The following GPBP1L1 variants were observed in gnomAD, a reference collection of about 807,000 sequenced individuals.
The protein encoded by GPBP1L1 is GC-rich promoter binding protein 1 like 1.
Under a neutral mutation model 52.5 loss-of-function variants are expected in GPBP1L1, and 23 were observed. That is an observed-to-expected ratio of 0.44 (90% confidence interval 0.32 to 0.62). The LOEUF (loss-of-function observed/expected upper bound fraction) is 0.62, where lower values mean the gene tolerates loss of function less well. GPBP1L1 is among the 20% of genes least tolerant of loss of function. The pLI is 0.06. For missense variants in GPBP1L1, 596 were observed against 579.3 expected, an observed-to-expected ratio of 1.03 and a Z score of -0.30; for synonymous variants, 243 against 203.1, an observed-to-expected ratio of 1.20 and a Z score of -1.67.
chr1:45,685,412 T>C (rs1247448800), intron 2 of GPBP1L1, among the ~76,000 whole-genome samples, 164 bp downstream of exon 2: 1 of 152,218 alleles, frequency 6.6e-6, no homozygotes, highest in Non-Finnish European at 1.5e-5. Context: ...ATGTTAAAAA[T>C]ATTTCAACAA....
intron 6 of GPBP1L1, chr1:45,645,760 A>G: frequency 2.9e-6 from 1 of 339,684 alleles, no homozygotes; most frequent in Non-Finnish European, 5.4e-6. Flanking sequence ...GATATTCCGA[A>G]GTTTTTTGTT....
chr1:45,667,201 T>A (rs867487752), intron 2 of GPBP1L1, among the ~76,000 whole-genome samples: 33 of 152,304 alleles, frequency 2.2e-4, no homozygotes, highest in African/African-American at 7.5e-4. Flanking sequence ...ATCTTGTATT[T>A]TCCCATAACT....
intron 8 of GPBP1L1, among the ~76,000 whole-genome samples, chr1:45,639,048 TG>T (rs780227389): frequency 1.7e-4 from 26 of 150,920 alleles, no homozygotes; most frequent in Admixed American, 3.3e-4. Flanking sequence ...TTTAAAGAGC[TG>T]GAAAAAAAAA....
Position 45,654,627 on chromosome 1 carries a change from A to T in GPBP1L1, c.393T>A (p.Ala131=). Residue 131 remains alanine, a synonymous_variant, in exon 6 of 13, where the codon GCT becomes GCA. Coordinates refer to ENST00000355105, the MANE Select transcript of GPBP1L1 (RefSeq NM_021639.5). ...TCTCCATAGGTGGCTTTTCCTGAAAAGCACACCCTTTCCGGGAGTGGAAGC... is the reference window on the plus strand; with the variant it reads ...TCTCCATAGGTGGCTTTTCCTGAAATGCACACCCTTTCCGGGAGTGGAAGC... ...NGSFHSRKGC[A]FQEKPPMEIR... is the part of the protein sequence containing the mutation. 1 of 1,614,116 alleles carries T rather than the reference A, an allele frequency of 6.2e-7. No individual in the cohort carries two copies. The highest frequency in any genetic ancestry group is 8.5e-7 in the Non-Finnish European group (1 of 1,180,008).
At chr1:45,635,065 C>G (rs1644577211) in intron 8 of GPBP1L1, 1 of 152,124 alleles carries the variant, frequency 6.6e-6, no homozygotes, top group Non-Finnish European at 1.5e-5. Flanking sequence ...AAAGAAGACA[C>G]AATAATAGCT....
intron 4 of GPBP1L1, chr1:45,658,742 C>A (rs543200879): frequency 1.3e-5 from 5 of 378,954 alleles, no homozygotes; most frequent in Non-Finnish European, 1.9e-5. Flanking sequence ...CCAGCCTGGG[C>A]AACATGGTGA....
chr1:45,677,682 A>C (rs1431284987), intron 2 of GPBP1L1, among the ~76,000 whole-genome samples: 1 of 152,248 alleles, frequency 6.6e-6, no homozygotes, highest in Non-Finnish European at 1.5e-5. Context: ...TTCTGTACCC[A>C]TAAGAGGTGC....
intron 2 of GPBP1L1, among the ~76,000 whole-genome samples, chr1:45,673,516 T>A (rs979260427): frequency 3.9e-5 from 6 of 152,246 alleles, no homozygotes. Context: ...CTTACTTTGC[T>A]TGTCACCCAT....
chr1:45,659,135 G>GC lies in GPBP1L1; in HGVS notation c.-49dup. 4 of 1,592,738 alleles carry GC rather than the reference G, an allele frequency of 2.5e-6. No homozygotes were observed. The highest frequency in any genetic ancestry group is 3.4e-6 in the Non-Finnish European group (4 of 1,161,930). On this transcript the variant is annotated 5_prime_UTR_variant, in exon 4 of 13. Transcript: ENST00000355105. Reference sequence around the variant, plus strand: ...GTAAGGTGAGGCATCCAACCTCATGGCCAGGATCTGAAAACAAAACAATTC... The same window carrying GC: ...GTAAGGTGAGGCATCCAACCTCATGGCCCAGGATCTGAAAACAAAACAATTC...
chr1:45,643,871 TGCTGGCCAG>T (rs1298888030), intron 6 of GPBP1L1, among the ~76,000 whole-genome samples: 1 of 152,034 alleles, frequency 6.6e-6, no homozygotes, highest in East Asian at 1.9e-4. Context: ...GGTTTCACCA[TGCTGGCCAG>T]GCTGGTCTCG....
chr1:45,637,164 A>G (rs555533322), intron 8 of GPBP1L1, among the ~76,000 whole-genome samples: 1 of 152,368 alleles, frequency 6.6e-6, no homozygotes, highest in South Asian at 2.1e-4. Flanking sequence ...ACTAGACAGT[A>G]AACTCTTTGC....
At chr1:45,671,359 G>T (rs1347339407) in intron 2 of GPBP1L1, among the ~76,000 whole-genome samples, 2 of 151,992 alleles carry the variant, frequency 1.3e-5, no homozygotes, top group African/African-American at 4.8e-5. Context: ...ACAGGCATGT[G>T]CCACCATGCC....
intron 2 of GPBP1L1, among the ~76,000 whole-genome samples, chr1:45,677,908 A>G (rs569779008): frequency 4.1e-4 from 63 of 152,336 alleles, no homozygotes; most frequent in African/African-American, 1.5e-3. Flanking sequence ...TAGAGTGAAC[A>G]CTGGCACACA....
intron 2 of GPBP1L1, among the ~76,000 whole-genome samples, chr1:45,663,882 C>T (rs1363916651): frequency 6.6e-6 from 1 of 151,980 alleles, no homozygotes; most frequent in Admixed American, 6.6e-5. Context: ...TACAGAACGG[C>T]TAACTGGGAG....
chr1:45,678,420 TAATA>T (rs1287060096), intron 2 of GPBP1L1, among the ~76,000 whole-genome samples: 1 of 152,202 alleles, frequency 6.6e-6, no homozygotes, highest in Non-Finnish European at 1.5e-5. Flanking sequence ...AAAGATTGTT[TAATA>T]TATAGATAGG....
Position 45,633,505 on chromosome 1 carries a change from C to T in GPBP1L1, c.1028G>A (p.Cys343Tyr), listed in dbSNP as rs1418623774. ...TGCTCTTACATCTTCCAGCTTGTCA[C>T]AGTCTCTATTCTCTGAGAAGTCTCC... Reference protein sequence around the residue: ...RNGDFSENRDCDKLEDLEDNS... With the variant: ...RNGDFSENRDYDKLEDLEDNS... The change falls in exon 10 of 13, where the codon TGT (cysteine) becomes TAT (tyrosine). Residue 343 changes from cysteine (C) to tyrosine (Y), a missense_variant. Physicochemically the swap from Cys to Tyr is radical, Grantham distance 194. Transcript: ENST00000355105. 2 of 1,613,884 alleles carry T rather than the reference C, an allele frequency of 1.2e-6. No individual in the cohort carries two copies. The highest frequency in any genetic ancestry group is 2.7e-5 in the African/African-American group (2 of 74,882).
At chr1:45,655,063 T>C (rs2148471457) in intron 5 of GPBP1L1, 127 bp downstream of exon 5, 1 of 1,231,658 alleles carries the variant, frequency 8.1e-7, no homozygotes, top group Non-Finnish European at 1.2e-6. Context: ...TAATGACTAC[T>C]AGAGAATCTA....
At chr1:45,651,659 C>T in intron 6 of GPBP1L1, 1 of 674,032 alleles carries the variant, frequency 1.5e-6, no homozygotes, top group Non-Finnish European at 2.7e-6. Context: ...ATAGCAGGGC[C>T]ATTTCACAAA....
At position 45,627,593 on chromosome 1, in the gene GPBP1L1, C is replaced by G. The variant is rs2148409081; in HGVS notation, c.*663G>C. ...CTTTTAAATCTGTAAATAATGTTAT[C>G]AAAATAATCTTAATCTTTGAAATCT... On this transcript the variant is annotated 3_prime_UTR_variant, in exon 13 of 13. Transcript: ENST00000355105. 6.6e-6 allele frequency: 1 copy of G among 152,486 alleles called. No individual in the cohort carries two copies. Among genetic ancestry groups the G allele is most frequent in the South Asian group, 2.1e-4 (1 of 4,822 alleles). The allele number at this position is 152,486 out of a possible 1,614,324, so 9.4% of individuals were successfully genotyped here.
Sources: allele counts gnomAD v4.1 joint callset (sites outside exome capture counted in the v4.1 genomes callset), GRCh38; gene constraint gnomAD v4.1.1; transcripts MANE v1.5; gene names NCBI Gene and HGNC (gene_info 2026-07-23, HGNC 2026-07-21).